Variants in KIZ observed in about 807,000 individuals in gnomAD.
KIZ encodes the protein centrosomal protein kizuna.
Under a neutral mutation model 79.6 loss-of-function variants are expected in KIZ, and 68 were observed. The observed-to-expected ratio is 0.85, with a 90% confidence interval of 0.70 to 1.05. KIZ has a LOEUF of 1.05. Among genes scored for constraint, KIZ ranks in the 50% least tolerant of loss-of-function variants. The pLI is 0.00. For synonymous variants in KIZ, 280 were observed against 281.8 expected, an observed-to-expected ratio of 0.99 and a Z score of 0.06; for missense variants, 797 against 800.4, an observed-to-expected ratio of 1.00 and a Z score of 0.05.
At chr20:21,179,055 G>T (rs986189806) in intron 6 of KIZ, among the ~76,000 whole-genome samples, 12 of 152,058 alleles carry the variant, frequency 7.9e-5, no homozygotes, top group African/African-American at 2.9e-4. Context: ...CTTTGCCTGG[G>T]TTTGGCATCA....
intron 9 of KIZ, among the ~76,000 whole-genome samples, chr20:21,225,878 G>C (rs1055861531): frequency 6.6e-6 from 1 of 152,172 alleles, no homozygotes; most frequent in Non-Finnish European, 1.5e-5. Flanking sequence ...CTGAAACCTG[G>C]TCTGTTTGAT....
chr20:21,155,520 G>A (rs2033335431), intron 4 of KIZ, among the ~76,000 whole-genome samples: 2 of 152,206 alleles, frequency 1.3e-5, no homozygotes, highest in South Asian at 2.1e-4. Context: ...CTAGGGCTGG[G>A]GACTGACTGG....
intron 9 of KIZ, among the ~76,000 whole-genome samples, chr20:21,220,821 G>T (rs922688638): frequency 1.2e-4 from 18 of 152,190 alleles, no homozygotes; most frequent in Admixed American, 1.2e-3. Flanking sequence ...AACTGCATCA[G>T]GATGTCCGGA....
chr20:21,167,196 A>T (rs182416092), intron 6 of KIZ, among the ~76,000 whole-genome samples: 10 of 152,324 alleles, frequency 6.6e-5, no homozygotes, highest in African/African-American at 2.2e-4. Context: ...ATGAAATCAT[A>T]AATTTGTGGC....
At chr20:21,198,783 T>C (rs2035466401) in intron 6 of KIZ, 1 of 152,628 alleles carries the variant, frequency 6.6e-6, no homozygotes, top group African/African-American at 2.4e-5. Context: ...GAAATGACCT[T>C]CCTGGTCAGT....
chr20:21,177,223 A>G (rs1286414117), intron 6 of KIZ, among the ~76,000 whole-genome samples: 1 of 152,144 alleles, frequency 6.6e-6, no homozygotes, highest in African/African-American at 2.4e-5. Flanking sequence ...CTAGAGTTCC[A>G]GTTTCTCTAC....
chr20:21,151,716 A>T (rs546725080), intron 4 of KIZ: 1 of 151,318 alleles, frequency 6.6e-6, no homozygotes, highest in Non-Finnish European at 1.5e-5. Context: ...ATGCAGTCTT[A>T]AAAAAAAAGT....
At chr20:21,136,286 C>A (rs999993513) in intron 2 of KIZ, 104 bp from the exon 3 acceptor site, 15 of 698,986 alleles carry the variant, frequency 2.1e-5, no homozygotes, top group Non-Finnish European at 3.3e-5. Flanking sequence ...GGGTAAAATA[C>A]CTTAGAATAC....
chr20:21,176,206 A>G (rs1043378875), intron 6 of KIZ, among the ~76,000 whole-genome samples: 1 of 152,136 alleles, frequency 6.6e-6, no homozygotes, highest in Non-Finnish European at 1.5e-5. Flanking sequence ...GCTACTTGAG[A>G]GGCTGAGGCA....
chr20:21,199,250 T>G (rs988121795), intron 6 of KIZ, among the ~76,000 whole-genome samples: 2 of 152,206 alleles, frequency 1.3e-5, no homozygotes, highest in Non-Finnish European at 2.9e-5. Flanking sequence ...TATGAAAGGT[T>G]GTGTTTTACA....
At chr20:21,193,883 A>G (rs2035222826) in intron 6 of KIZ, among the ~76,000 whole-genome samples, 1 of 149,726 alleles carries the variant, frequency 6.7e-6, no homozygotes, top group South Asian at 2.2e-4. Flanking sequence ...GAGGGATAGC[A>G]TTAGGAGATA....
intron 4 of KIZ, among the ~76,000 whole-genome samples, chr20:21,157,097 A>G (rs2122626785): frequency 6.6e-6 from 1 of 151,494 alleles, no homozygotes; most frequent in African/African-American, 2.4e-5. Context: ...TCTATAAATA[A>G]AAAAAAAATT....
chr20:21,138,731 G>A (rs1164065150), intron 3 of KIZ, among the ~76,000 whole-genome samples: 3 of 151,942 alleles, frequency 2.0e-5, no homozygotes, highest in East Asian at 3.9e-4. Flanking sequence ...TGATGGGTTG[G>A]CATCATGGGA....
intron 6 of KIZ, among the ~76,000 whole-genome samples, chr20:21,176,091 C>T (rs759219594): frequency 2.6e-5 from 4 of 152,152 alleles, no homozygotes; most frequent in Non-Finnish European, 5.9e-5. Context: ...AAGTGGATCA[C>T]CTGAGGTCAG....
rs905098785 is a variant in KIZ at position 21,200,777 on chromosome 20, A to C, written c.1353-4714A>C. Among the ~76,000 whole-genome samples, 13 of 152,280 alleles carry C rather than the reference A, an allele frequency of 8.5e-5. No homozygotes were observed. The South Asian group carries it at 2.5e-3, about 29-fold the overall frequency. On this transcript the variant is annotated intron_variant, in intron 6 of 12. Transcript: ENST00000619189. ...GCCCAGGCATTGGGACCCCTGCTCT[A>C]GAAGATAATGTGAAGATTTCTGAAT... is the stretch of plus-strand genomic sequence containing the variant.
chr20:21,133,496 TGGTGGTG>T (rs1274673134), intron 2 of KIZ, among the ~76,000 whole-genome samples: 1 of 152,228 alleles, frequency 6.6e-6, no homozygotes, highest in African/African-American at 2.4e-5. Context: ...CCTGGCCTTC[TGGTGGTG>T]GGAGGGGCAA....
intron 6 of KIZ, among the ~76,000 whole-genome samples, chr20:21,179,603 A>G (rs1195640261): frequency 1.3e-5 from 2 of 151,044 alleles, no homozygotes; most frequent in African/African-American, 2.4e-5. Context: ...ATTTCCTTCT[A>G]TCTACTAACT....
intron 4 of KIZ, among the ~76,000 whole-genome samples, chr20:21,153,125 A>T (rs1217486117): frequency 6.6e-5 from 10 of 152,172 alleles, no homozygotes. Flanking sequence ...GAGTAGGGCT[A>T]ATAATAATGA....
At chr20:21,161,785 C>T (rs1461243416) in intron 4 of KIZ, 86 bp from the exon 5 acceptor site, 1 of 857,496 alleles carries the variant, frequency 1.2e-6, no homozygotes, top group Admixed American at 2.9e-5. Context: ...TTTGTTTGAC[C>T]TCCTTTCATT....
Sources: gnomAD v4.1 joint callset for allele counts (sites outside exome capture counted in the v4.1 genomes callset) on GRCh38, gnomAD v4.1.1 for gene constraint, MANE v1.5 for transcripts, NCBI Gene and HGNC (gene_info 2026-07-23, HGNC 2026-07-21) for gene names.